Variants in PARVG observed in about 807,000 individuals in gnomAD.
PARVG encodes the protein parvin gamma.
PARVG carries 36 observed loss-of-function variants against 44.4 expected under a neutral mutation model. The ratio of observed to expected loss-of-function variants is 0.81; its 90% CI spans 0.62 to 1.07. The LOEUF (loss-of-function observed/expected upper bound fraction) is 1.07, where lower values mean the gene tolerates loss of function less well. Ranked by LOEUF, PARVG falls within the 50% of genes least tolerant of loss-of-function variation. The pLI, the probability that PARVG is intolerant of heterozygous loss-of-function variation, is 0.00. For missense variants in PARVG, 407 were observed against 407.4 expected (o/e 1.00, Z 0.01); for synonymous variants, 170 against 174.1 (o/e 0.98, Z 0.19).
chr22:44,177,718 A>G (rs2054332208), upstream of PARVG, among the ~76,000 whole-genome samples: 1 of 152,036 alleles, frequency 6.6e-6, no homozygotes, highest in Admixed American at 6.6e-5. Flanking sequence ...CTTTCTTATG[A>G]TGTTAATTTT....
At chr22:44,195,112 G>T (rs139144) in intron 9 of PARVG, among the ~76,000 whole-genome samples, 2 of 151,980 alleles carry the variant, frequency 1.3e-5, no homozygotes, top group Admixed American at 1.3e-4. Flanking sequence ...TGAGGAAGGC[G>T]GAGTTTGGGG....
intron 12 of PARVG, among the ~76,000 whole-genome samples, chr22:44,202,340 G>C (rs561571238): frequency 6.6e-6 from 1 of 152,316 alleles, no homozygotes; most frequent in South Asian, 2.1e-4. Context: ...GGCGGAGGAA[G>C]GGGGCAGGCA....
rs1459587120 is a variant in PARVG, at chr22:44,182,733, G to A, written c.-12-585G>A. Among the ~76,000 whole-genome samples, 1 of 152,240 alleles carries A rather than the reference G, an allele frequency of 6.6e-6. No homozygotes were observed. The highest frequency in any genetic ancestry group is 1.5e-5 in the Non-Finnish European group (1 of 68,034). On this transcript the variant is annotated intron_variant, in intron 2 of 13. Transcript: ENST00000444313. The surrounding 1 kb of genome is among the most constrained non-coding windows in gnomAD (Gnocchi z 4.6). ...CCAGGGGAACAGGAAGGAGGGCTGG[G>A]CTGGCCTCTGGGTCTGCCCCTGTCC... is the stretch of plus-strand genomic sequence containing the variant.
rs535454873 is a variant in PARVG, at chr22:44,187,656, T to A, written c.145-120T>A. On this transcript the variant is annotated intron_variant, in intron 4 of 13. Coordinates refer to ENST00000444313, the MANE Select transcript of PARVG (RefSeq NM_022141.7). ...GAGGGCTTCCCAGTGGAGGTGACAT[T>A]TGACCAGGCCTTGAAAGATGGGTAG... 22 of 907,264 alleles carry A rather than the reference T, an allele frequency of 2.4e-5. 1 individual carries two copies. The highest frequency in any genetic ancestry group is 1.1e-4 in the African/African-American group (7 of 61,322). The allele number at this position is 907,264 out of a possible 1,614,324, so 56.2% of individuals were successfully genotyped here. A position where few individuals can be genotyped will look rare whatever the true frequency, so the allele number is the denominator to read the frequency against.
chr22:44,174,818 C>T (rs1003742041), intron 1 of PARVG, among the ~76,000 whole-genome samples: 2 of 152,044 alleles, frequency 1.3e-5, no homozygotes, highest in Admixed American at 6.5e-5. Flanking sequence ...ACCTTTCTCA[C>T]TTGTTCTCAA....
chr22:44,193,084 G>C (rs1322313937), intron 8 of PARVG, among the ~76,000 whole-genome samples: 1 of 152,204 alleles, frequency 6.6e-6, no homozygotes, highest in Non-Finnish European at 1.5e-5. Context: ...CTGAGCCCAG[G>C]TCTCTGTCAC....
intron 13 of PARVG, among the ~76,000 whole-genome samples, chr22:44,206,092 T>C (rs2054777009): frequency 6.6e-6 from 1 of 152,030 alleles, no homozygotes; most frequent in Non-Finnish European, 1.5e-5. Context: ...AGTTGCTGTG[T>C]TGGGGGCACC....
upstream of PARVG, among the ~76,000 whole-genome samples, chr22:44,176,493 T>C (rs201397967): frequency 6.6e-6 from 1 of 152,094 alleles, no homozygotes; most frequent in East Asian, 1.9e-4. Flanking sequence ...CAAGGAATGA[T>C]GGGGACATGT....
At position 44,208,015 on chromosome 22, in the gene PARVG, C is replaced by T. The variant is rs1480871709; in HGVS notation, c.*1589C>T. The T allele has an allele frequency of 6.6e-6, 1 of 152,376 alleles. No individual in the cohort carries two copies. The highest frequency in any genetic ancestry group is 1.5e-5 in the Non-Finnish European group (1 of 68,216). 9.4% of individuals were successfully genotyped at this position (152,376 alleles called of 1,614,324 possible). A position where few individuals can be genotyped will look rare whatever the true frequency, so the allele number is the denominator to read the frequency against. ...TGCCCCCTCCAGCACCTCAAATCCT[C>T]TCCTGGAGCTTCTGGGGACACAGGC... On this transcript the variant is annotated 3_prime_UTR_variant, in exon 14 of 14. Transcript: ENST00000444313.
intron 8 of PARVG, 108 bp from the exon 9 acceptor site, chr22:44,193,693 G>C: frequency 8.4e-6 from 12 of 1,427,686 alleles, no homozygotes; most frequent in Non-Finnish European, 1.2e-5. Context: ...AAGCATGCCA[G>C]TTTCTTTGCA....
chr22:44,201,436 C>G (rs140055638), intron 12 of PARVG, among the ~76,000 whole-genome samples: 1 of 152,092 alleles, frequency 6.6e-6, no homozygotes, highest in Non-Finnish European at 1.5e-5. Context: ...GTCCCTCGCC[C>G]CCACGGGGAT....
rs539921083 is a variant in PARVG at position 44,182,686 on chromosome 22, C to A, written c.-12-632C>A. Among the ~76,000 whole-genome samples the A allele has an allele frequency of 6.6e-6, 1 of 152,212 alleles. No individual in the cohort carries two copies. Among genetic ancestry groups the A allele is most frequent in the Non-Finnish European group, 1.5e-5 (1 of 68,044 alleles). ...GAAGGCGCCAGCCGAGCCAGCGAAG[C>A]CTTCACAGGAGAGGAAGTGGGCCAG... On this transcript the variant is annotated intron_variant, in intron 2 of 13. Coordinates refer to ENST00000444313, the MANE Select transcript of PARVG (RefSeq NM_022141.7). The surrounding 1 kb of genome is among the most constrained non-coding windows in gnomAD (Gnocchi z 4.6).
Position 44,207,463 on chromosome 22 carries a change from A to T in PARVG, c.*1037A>T. 2.9e-5 allele frequency: 1 copy of T among 34,296 alleles called. No homozygotes were observed. The highest frequency in any genetic ancestry group is 1.3e-4 in the African/African-American group (1 of 7,820). 2.1% of individuals were successfully genotyped at this position (34,296 alleles called of 1,614,324 possible). A position where few individuals can be genotyped will look rare whatever the true frequency, so the allele number is the denominator to read the frequency against. On this transcript the variant is annotated 3_prime_UTR_variant, in exon 14 of 14. Coordinates refer to ENST00000444313, the MANE Select transcript of PARVG (RefSeq NM_022141.7). ...TGGGGAGGGCTGGGGCCTGGTGGGG[A>T]GGAGTGGGACTTGTGGGGAGGAGTG...
chr22:44,200,267 G>A (rs2054688610), intron 12 of PARVG, among the ~76,000 whole-genome samples: 1 of 152,204 alleles, frequency 6.6e-6, no homozygotes, highest in African/African-American at 2.4e-5. Context: ...AGAGGTCCAC[G>A]GGCAGCCAAG....
intron 12 of PARVG, among the ~76,000 whole-genome samples, chr22:44,202,521 A>G (rs143237753): frequency 6.6e-6 from 1 of 152,350 alleles, no homozygotes; most frequent in East Asian, 1.9e-4. Context: ...GCTTTGCTGA[A>G]TCCACTGATT....
At chr22:44,193,544 G>C (rs1025691514) in intron 8 of PARVG, among the ~76,000 whole-genome samples, 9 of 152,146 alleles carry the variant, frequency 5.9e-5, no homozygotes, top group African/African-American at 1.9e-4. Context: ...AACAGAACAC[G>C]AACAACAAAA....
Position 44,208,349 on chromosome 22 carries a change from T to C in PARVG, c.*1923T>C, listed in dbSNP as rs1256578144. ...GGACATTCCCATCACCATGCAAGTT[T>C]CTGCATCTGTCTGCAGCCAGTTCCC... On this transcript the variant is annotated 3_prime_UTR_variant, in exon 14 of 14. Transcript: ENST00000444313. The C allele has an allele frequency of 6.6e-6, 1 of 152,248 alleles. No homozygotes were observed. The highest frequency in any genetic ancestry group is 1.5e-5 in the Non-Finnish European group (1 of 68,040). 9.4% of individuals were successfully genotyped at this position (152,248 alleles called of 1,614,324 possible). A position where few individuals can be genotyped will look rare whatever the true frequency, so the allele number is the denominator to read the frequency against.
chr22:44,205,670 C>T, intron 12 of PARVG, 87 bp from the exon 13 acceptor site: 1 of 1,507,216 alleles, frequency 6.6e-7, no homozygotes, highest in Non-Finnish European at 9.1e-7. Context: ...ACATCACAGA[C>T]AACAGGAAGG....
chr22:44,204,216 C>T (rs1047036089), intron 12 of PARVG, among the ~76,000 whole-genome samples: 1 of 152,214 alleles, frequency 6.6e-6, no homozygotes, highest in African/African-American at 2.4e-5. Flanking sequence ...CCATACACTC[C>T]TTTCCATCTG....
Sources: allele counts gnomAD v4.1 joint callset (sites outside exome capture counted in the v4.1 genomes callset), GRCh38; gene constraint gnomAD v4.1.1; non-coding constraint Gnocchi (gnomAD v3.1); transcripts MANE v1.5; gene names NCBI Gene and HGNC (gene_info 2026-07-23, HGNC 2026-07-21).